The following AP3B1 variants were observed in gnomAD, a reference collection of about 807,000 sequenced individuals.
The protein encoded by AP3B1 is adaptor related protein complex 3 subunit beta 1.
In AP3B1, 61 loss-of-function variants were observed where a neutral mutation model predicts 132.5. The ratio of observed to expected loss-of-function variants is 0.46; its 90% CI spans 0.37 to 0.57. The LOEUF (loss-of-function observed/expected upper bound fraction) is 0.57, where lower values mean the gene tolerates loss of function less well. Ranked by LOEUF, AP3B1 falls within the 20% of genes least tolerant of loss-of-function variation. The pLI, the probability that AP3B1 is intolerant of heterozygous loss-of-function variation, is 0.00. For missense variants in AP3B1, 1,120 were observed against 1,289.4 expected (o/e 0.87, Z 2.01); for synonymous variants, 388 against 438.3 (o/e 0.89, Z 1.43).
Position 78,116,183 on chromosome 5 carries a change from T to C in AP3B1, c.2020A>G (p.Lys674Glu), listed in dbSNP as rs758006345. The C allele has an allele frequency of 5.0e-6, 8 of 1,613,804 alleles. No individual in the cohort carries two copies. The African/African-American group carries it at 8.0e-5, about 16-fold the overall frequency. ...GKAKQENSAK[K>E]FYSESEEEED... Reference sequence around the variant, plus strand: ...TCTTCCTCAGATTCAGAATAAAACTTCTTAGCAGAATTCTCTTGCTTTGCT... The same window carrying C: ...TCTTCCTCAGATTCAGAATAAAACTCCTTAGCAGAATTCTCTTGCTTTGCT... The change falls in exon 18 of 27, where the codon AAG (lysine) becomes GAG (glutamate). Residue 674 changes from lysine to glutamate, a missense_variant. By Grantham distance (56) the Lys-to-Glu change is moderately conservative. Around this residue, in one of 3 missense-constraint regions of AP3B1, gnomAD observed 906 missense variants for 997.1 expected, o/e 0.91. Transcript: ENST00000255194.
At chr5:78,138,980 A>AC (rs1285112797) in intron 15 of AP3B1, among the ~76,000 whole-genome samples, 1 of 150,674 alleles carries the variant, frequency 6.6e-6, no homozygotes, top group Non-Finnish European at 1.5e-5. Flanking sequence ...AAAAAAAAAA[A>AC]AAAAAAAAAA....
chr5:78,131,648 T>A (rs561943917), intron 15 of AP3B1, among the ~76,000 whole-genome samples: 2 of 152,238 alleles, frequency 1.3e-5, no homozygotes, highest in African/African-American at 4.8e-5. Context: ...CTACACAATA[T>A]AAATTTTTCT....
intron 22 of AP3B1, chr5:78,087,739 A>T (rs1328165957): frequency 1.0e-6 from 1 of 971,778 alleles, no homozygotes; most frequent in Non-Finnish European, 1.2e-6. Flanking sequence ...CTTTGTGATG[A>T]ATGAAAATTT....
intron 15 of AP3B1, among the ~76,000 whole-genome samples, chr5:78,132,364 A>C (rs1319660396): frequency 1.3e-5 from 2 of 152,208 alleles, no homozygotes; most frequent in African/African-American, 2.4e-5. Context: ...ATAAACTTCC[A>C]AAAGCTTTAC....
intron 24 of AP3B1, among the ~76,000 whole-genome samples, chr5:78,032,206 T>A (rs1217036644): frequency 6.6e-6 from 1 of 152,198 alleles, no homozygotes; most frequent in Admixed American, 6.5e-5. Context: ...ATCCAGAAGC[T>A]AAAGTAGGAT....
chr5:78,127,681 A>C (rs1428746264), intron 17 of AP3B1, among the ~76,000 whole-genome samples: 1 of 152,164 alleles, frequency 6.6e-6, no homozygotes, highest in Non-Finnish European at 1.5e-5. Flanking sequence ...ATTGTCAGGA[A>C]GCTTACAAAT....
intron 7 of AP3B1, among the ~76,000 whole-genome samples, chr5:78,203,735 T>C (rs1192224798): frequency 2.6e-5 from 4 of 152,176 alleles, no homozygotes; most frequent in African/African-American, 9.6e-5. Flanking sequence ...GTGCACTTGA[T>C]GTCATCACAC....
At chr5:78,066,878 G>A (rs909821888) in intron 22 of AP3B1, among the ~76,000 whole-genome samples, 1 of 152,120 alleles carries the variant, frequency 6.6e-6, no homozygotes, top group African/African-American at 2.4e-5. Context: ...ATTTACCAAT[G>A]TCGAAATGAA....
intron 7 of AP3B1, 26 bp downstream of exon 7, chr5:78,216,029 A>T: frequency 1.2e-6 from 2 of 1,612,972 alleles, no homozygotes; most frequent in Non-Finnish European, 1.7e-6. Context: ...AGTATACTTG[A>T]AAGTGGAAGA....
chr5:78,205,222 A>T (rs1745455613), intron 7 of AP3B1, among the ~76,000 whole-genome samples: 1 of 152,152 alleles, frequency 6.6e-6, no homozygotes, highest in Non-Finnish European at 1.5e-5. Flanking sequence ...TAGTCACACA[A>T]AAAGGATGTT....
At chr5:78,059,134 G>C (rs1050474836) in intron 22 of AP3B1, among the ~76,000 whole-genome samples, 3 of 152,220 alleles carry the variant, frequency 2.0e-5, no homozygotes, top group Non-Finnish European at 4.4e-5. Flanking sequence ...CACAGATCCT[G>C]TAAGTGAATG....
chr5:78,022,012 A>C (rs1747124770), intron 24 of AP3B1, among the ~76,000 whole-genome samples: 1 of 152,222 alleles, frequency 6.6e-6, no homozygotes, highest in Non-Finnish European at 1.5e-5. Context: ...GTTAAGAAAC[A>C]CTTGAATTTA....
chr5:78,011,905 A>T (rs1176087586), intron 26 of AP3B1, among the ~76,000 whole-genome samples: 1 of 152,196 alleles, frequency 6.6e-6, no homozygotes, highest in Middle Eastern at 3.2e-3. Context: ...GAAAGAAAAG[A>T]TCCTGAAAAA....
At chr5:78,018,459 TTTTA>T (rs3836856) in intron 25 of AP3B1, among the ~76,000 whole-genome samples, 4,738 of 150,852 alleles carry the variant, frequency 0.031, 195 homozygotes, top group East Asian at 0.18. Context: ...TTAGAACCAC[TTTTA>T]TTTAATACTG....
At chr5:78,248,185 C>G (rs1271855940) in intron 2 of AP3B1, among the ~76,000 whole-genome samples, 2 of 151,992 alleles carry the variant, frequency 1.3e-5, no homozygotes, top group African/African-American at 4.8e-5. Flanking sequence ...TAACACTGTA[C>G]CAGATCAAGA....
At chr5:78,089,946 T>C (rs1470590618) in intron 21 of AP3B1, among the ~76,000 whole-genome samples, 1 of 152,232 alleles carries the variant, frequency 6.6e-6, no homozygotes, top group Non-Finnish European at 1.5e-5. Context: ...GGCTACCTAA[T>C]TCCCTTGTAA....
At chr5:78,151,200 G>A (rs952268947) in intron 14 of AP3B1, among the ~76,000 whole-genome samples, 4 of 152,174 alleles carry the variant, frequency 2.6e-5, no homozygotes, top group African/African-American at 9.7e-5. Context: ...TAGGATTACA[G>A]GCGTGAGCCA....
intron 2 of AP3B1, among the ~76,000 whole-genome samples, chr5:78,266,932 ATAAT>A (rs925891539): frequency 2.6e-5 from 4 of 152,168 alleles, no homozygotes; most frequent in African/African-American, 9.6e-5. Context: ...AACATTAAAA[ATAAT>A]TAAGGAACTA....
intron 25 of AP3B1, among the ~76,000 whole-genome samples, chr5:78,016,944 T>A (rs888246558): frequency 6.6e-6 from 1 of 152,140 alleles, no homozygotes; most frequent in African/African-American, 2.4e-5. Flanking sequence ...TTAAGCTCTA[T>A]TGAAGAGCAA....
Sources: allele counts gnomAD v4.1 joint callset (sites outside exome capture counted in the v4.1 genomes callset), GRCh38; gene constraint gnomAD v4.1.1; regional missense constraint gnomAD v4.1.1; transcripts MANE v1.5; gene names NCBI Gene and HGNC (gene_info 2026-07-23, HGNC 2026-07-21).